The following SH3PXD2B variants were observed in gnomAD, a reference collection of about 807,000 sequenced individuals.
The protein encoded by SH3PXD2B is SH3 and PX domains 2B.
Under a neutral mutation model 73.1 loss-of-function variants are expected in SH3PXD2B, and 37 were observed. The ratio of observed to expected loss-of-function variants is 0.51; its 90% CI spans 0.39 to 0.67. The LOEUF (loss-of-function observed/expected upper bound fraction) is 0.67, where lower values mean the gene tolerates loss of function less well. SH3PXD2B is among the 30% of genes least tolerant of loss of function. The probability of loss-of-function intolerance (pLI) is 0.00; values close to 1 mark genes in which losing one functional copy is unlikely to be tolerated. For missense variants in SH3PXD2B, 1,053 were observed against 1,197.8 expected, an observed-to-expected ratio of 0.88 and a Z score of 1.78; for synonymous variants, 457 against 480.5, an observed-to-expected ratio of 0.95 and a Z score of 0.64.
intron 12 of SH3PXD2B, among the ~76,000 whole-genome samples, chr5:172,342,710 G>A (rs560615224): frequency 6.6e-6 from 1 of 152,228 alleles, no homozygotes; most frequent in South Asian, 2.1e-4. Context: ...GCAGTGAGCC[G>A]AGATCGTGCC....
intron 6 of SH3PXD2B, among the ~76,000 whole-genome samples, chr5:172,367,750 A>C (rs2113335456): frequency 6.6e-6 from 1 of 152,266 alleles, no homozygotes; most frequent in Middle Eastern, 3.4e-3. Context: ...GCTTGGTAAG[A>C]GTCCTTACAG....
At position 172,339,729 on chromosome 5, in the gene SH3PXD2B, G is replaced by A. The variant is rs538635661; in HGVS notation, c.1376C>T (p.Thr459Met). The change falls in exon 13 of 13, where the codon ACG (threonine) becomes ATG (methionine). Residue 459 changes from threonine (T) to methionine (M), a missense_variant. Thr to Met is a moderately conservative substitution (Grantham distance 81, BLOSUM62 -1). Coordinates refer to ENST00000311601, the MANE Select transcript of SH3PXD2B (RefSeq NM_001017995.3). This position sits in a 1 kb window ranked among gnomAD's most constrained non-coding sequence, Gnocchi z 6.1. ...GGAGGGGCCCGTGGCTTCGCTGCCC[G>A]TGTTGTTCTCCAGCGCTGCTGCTTC... is the stretch of plus-strand genomic sequence containing the variant. ...LGEAAALENN[T>M]GSEATGPSRP... 7.8e-5 allele frequency: 126 copies of A among 1,614,094 alleles called. No homozygotes were observed. The highest frequency in any genetic ancestry group is 2.2e-4 in the South Asian group (20 of 91,080).
At chr5:172,418,875 G>T (rs1357434269) in intron 2 of SH3PXD2B, among the ~76,000 whole-genome samples, 1 of 152,170 alleles carries the variant, frequency 6.6e-6, no homozygotes, top group African/African-American at 2.4e-5. Context: ...AAATAAGAAA[G>T]TTGAGTCGGA....
At chr5:172,367,266 G>C (rs1014803880) in intron 6 of SH3PXD2B, among the ~76,000 whole-genome samples, 1 of 149,274 alleles carries the variant, frequency 6.7e-6, no homozygotes, top group Non-Finnish European at 1.5e-5. Flanking sequence ...AGCAGCTAGA[G>C]TGATCCTTTT....
At chr5:172,407,891 G>C (rs915652979) in intron 2 of SH3PXD2B, among the ~76,000 whole-genome samples, 5 of 152,218 alleles carry the variant, frequency 3.3e-5, no homozygotes, top group African/African-American at 4.8e-5. Flanking sequence ...GAAACTGAAG[G>C]CCTGTAGCCA....
Position 172,338,063 on chromosome 5 carries a change from G to A in SH3PXD2B, c.*306C>T. ...GTCCTGGAGGTCTTGGAGAGTCTTG[G>A]TCCCACTGCTGGGTGGCAATGCCAT... On this transcript the variant is annotated 3_prime_UTR_variant, in exon 13 of 13. Transcript: ENST00000311601. The surrounding 1 kb of genome is among the most constrained non-coding windows in gnomAD (Gnocchi z 5.1). 1 of 1,307,676 alleles carries A rather than the reference G, an allele frequency of 7.6e-7. No individual in the cohort carries two copies. Among genetic ancestry groups the A allele is most frequent in the South Asian group, 1.6e-5 (1 of 64,246 alleles). The allele number at this position is 1,307,676 out of a possible 1,614,324, so 81.0% of individuals were successfully genotyped here. A position where few individuals can be genotyped will look rare whatever the true frequency, so the allele number is the denominator to read the frequency against.
At chr5:172,365,012 G>A (rs1223442338) in intron 6 of SH3PXD2B, among the ~76,000 whole-genome samples, 1 of 152,200 alleles carries the variant, frequency 6.6e-6, no homozygotes, top group Admixed American at 6.5e-5. Flanking sequence ...CATTGTAGCT[G>A]GGTGAAGGGT....
At chr5:172,439,238 G>GAAAA (rs922645535) in intron 1 of SH3PXD2B, among the ~76,000 whole-genome samples, 1 of 33,234 alleles carries the variant, frequency 3.0e-5, no homozygotes, top group African/African-American at 1.4e-4. Context: ...AGAAAAAACA[G>GAAAA]AAAAAAAAAA....
In SH3PXD2B at chr5:172,411,003, C is replaced by T. The variant is rs187213246; in HGVS notation, c.157-4651G>A. Among the ~76,000 whole-genome samples the T allele has an allele frequency of 2.4e-3, 362 of 152,258 alleles. 6 individuals carry two copies. Among genetic ancestry groups the T allele is most frequent in the Non-Finnish European group, 4.6e-4 (31 of 68,030 alleles). ...TCTTTGAGGCAGCTTCAGAGTGTCA[C>T]GTGAACACAAAAGTCAGCCTGAGAT... On this transcript the variant is annotated intron_variant, in intron 2 of 12. Coordinates refer to ENST00000311601, the MANE Select transcript of SH3PXD2B (RefSeq NM_001017995.3).
intron 12 of SH3PXD2B, among the ~76,000 whole-genome samples, chr5:172,327,465 C>G (rs192027514): frequency 7.0e-4 from 107 of 152,312 alleles, no homozygotes; most frequent in Non-Finnish European, 1.2e-3. Context: ...CACTGGGGCA[C>G]ACTGAACCAT....
At position 172,358,466 on chromosome 5, in the gene SH3PXD2B, A is replaced by G. The variant is rs1398988963; in HGVS notation, c.667+307T>C. On this transcript the variant is annotated intron_variant, in intron 8 of 12. Transcript: ENST00000311601. ...CTTGGCCGCCAGAATAATTCGAGGG[A>G]GGAATAGTGAACTGTTTTTGGCGAT... 2.0e-5 allele frequency among the ~76,000 whole-genome samples: 3 copies of G among 152,288 alleles called. No homozygotes were observed. The East Asian group carries it at 5.8e-4, about 29-fold the overall frequency.
intron 4 of SH3PXD2B, among the ~76,000 whole-genome samples, chr5:172,389,159 A>G (rs906866945): frequency 3.3e-5 from 5 of 150,886 alleles, no homozygotes; most frequent in Admixed American, 1.3e-4. Context: ...GGGTTCAAGC[A>G]ATTCTCCTGC....
intron 1 of SH3PXD2B, among the ~76,000 whole-genome samples, chr5:172,441,384 T>C (rs1301758734): frequency 6.6e-6 from 1 of 152,208 alleles, no homozygotes; most frequent in Non-Finnish European, 1.5e-5. Flanking sequence ...CAGGGCGTTA[T>C]CACATGTGAT....
intron 12 of SH3PXD2B, among the ~76,000 whole-genome samples, chr5:172,345,689 G>C (rs188617731): frequency 6.6e-6 from 1 of 152,338 alleles, no homozygotes; most frequent in Non-Finnish European, 1.5e-5. Flanking sequence ...AACAGAGAGA[G>C]TGGGAAGAAA....
chr5:172,450,383 CAA>C (rs1759769247), intron 1 of SH3PXD2B, among the ~76,000 whole-genome samples: 1 of 151,570 alleles, frequency 6.6e-6, no homozygotes, highest in South Asian at 2.1e-4. Context: ...AAAATAAAAA[CAA>C]AAAAGTTTTG....
chr5:172,425,725 C>T (rs527966986), intron 1 of SH3PXD2B, among the ~76,000 whole-genome samples: 1 of 151,944 alleles, frequency 6.6e-6, no homozygotes, highest in South Asian at 2.1e-4. Flanking sequence ...GGGAGGCGTG[C>T]GACAGGATCC....
At chr5:172,422,623 T>C (rs2113464829) in intron 1 of SH3PXD2B, 127 bp from the exon 2 acceptor site, 1 of 843,662 alleles carries the variant, frequency 1.2e-6, no homozygotes, top group South Asian at 1.4e-5. Flanking sequence ...TGCCAATGAC[T>C]GGCTGGACAA....
At chr5:172,360,063 G>A (rs1419170090) in intron 7 of SH3PXD2B, among the ~76,000 whole-genome samples, 1 of 152,170 alleles carries the variant, frequency 6.6e-6, no homozygotes, top group African/African-American at 2.4e-5. Context: ...CTTGATTTTA[G>A]GCCAGTGAGA....
At chr5:172,396,263 A>G (rs1370569302) in intron 3 of SH3PXD2B, among the ~76,000 whole-genome samples, 2 of 151,098 alleles carry the variant, frequency 1.3e-5, no homozygotes, top group African/African-American at 4.9e-5. Flanking sequence ...AGTCCCAGCT[A>G]CTCAGGAAGC....
Sources: allele counts gnomAD v4.1 joint callset (sites outside exome capture counted in the v4.1 genomes callset), GRCh38; gene constraint gnomAD v4.1.1; non-coding constraint Gnocchi (gnomAD v3.1); transcripts MANE v1.5; gene names NCBI Gene and HGNC (gene_info 2026-07-23, HGNC 2026-07-21).